Variants in PACRGL observed in about 807,000 individuals in gnomAD.
PACRGL encodes parkin coregulated like, also known as PACRG-like protein.
Under a neutral mutation model 34.5 loss-of-function variants are expected in PACRGL, and 38 were observed. That is an observed-to-expected ratio of 1.10 (90% CI 0.85 to 1.44). PACRGL has a LOEUF of 1.44. Among genes scored for constraint, PACRGL ranks in the 40% most tolerant of loss-of-function variants. The probability of loss-of-function intolerance (pLI) is 0.00; values close to 1 mark genes in which losing one functional copy is unlikely to be tolerated. For missense variants in PACRGL, 305 were observed against 281.4 expected (o/e 1.08, Z -0.60); for synonymous variants, 128 against 100.1 (o/e 1.28, Z -1.66).
At position 20,709,727 on chromosome 4, in the gene PACRGL, C is replaced by T. The variant is rs749345200; in HGVS notation, c.320C>T (p.Pro107Leu). 38 of 1,609,968 alleles carry T rather than the reference C, an allele frequency of 2.4e-5. No individual in the cohort carries two copies. The Middle Eastern group carries it at 4.9e-4, about 21-fold the overall frequency. Residue 107 changes from proline (P) to leucine (L), a missense_variant, in exon 5 of 9, where the codon CCT becomes CTT. Physicochemically the swap from Pro to Leu is moderately conservative, Grantham distance 98. Coordinates refer to ENST00000503585, the MANE Select transcript of PACRGL (RefSeq NM_001258345.3). ...SVKHRLQWEC[P>L]PESLSFDPLL... Reference sequence around the variant, plus strand: ...AAACACAGATTACAGTGGGAATGTCCTCCTGAAAGTCTTTCATTTGATCCA... The same window carrying T: ...AAACACAGATTACAGTGGGAATGTCTTCCTGAAAGTCTTTCATTTGATCCA...
chr4:20,707,861 T>G lies in PACRGL; in HGVS notation c.266T>G (p.Ile89Ser), dbSNP rs781418174. 1 of 1,611,580 alleles carries G rather than the reference T, an allele frequency of 6.2e-7. No individual in the cohort carries two copies. The highest frequency in any genetic ancestry group is 1.1e-5 in the South Asian group (1 of 91,000). Residue 89 changes from isoleucine (I) to serine (S), a missense_variant, in exon 4 of 9, where the codon ATT becomes AGT. Physicochemically the swap from Ile to Ser is moderately radical, Grantham distance 142. Transcript: ENST00000503585. Reference protein sequence around the residue: ...AFAAIYSKGGIPCRLVHGSVK... With the variant: ...AFAAIYSKGGSPCRLVHGSVK... Reference sequence around the variant, plus strand: ...GCAGCTATTTACTCTAAAGGAGGTATTCCTTGCAGGTAAAATCAATATGAT... The same window carrying G: ...GCAGCTATTTACTCTAAAGGAGGTAGTCCTTGCAGGTAAAATCAATATGAT...
intron 7 of PACRGL, among the ~76,000 whole-genome samples, chr4:20,722,420 G>T (rs746383332): frequency 6.6e-6 from 1 of 152,170 alleles, no homozygotes. Context: ...CGTCACTCAC[G>T]CTGGGAGCTG....
chr4:20,729,882 CAGTGGCATTATGA>C lies in PACRGL; in HGVS notation c.*2543_*2555del. 3 of 494,882 alleles carry C rather than the reference CAGTGGCATTATGA, an allele frequency of 6.1e-6. No individual in the cohort carries two copies. 30.7% of individuals were successfully genotyped at this position (494,882 alleles called of 1,614,324 possible). On this transcript the variant is annotated 3_prime_UTR_variant, in exon 9 of 9. Coordinates refer to ENST00000503585, the MANE Select transcript of PACRGL (RefSeq NM_001258345.3). ...AATGAGTTAGACCATCCCCTGAACTCAGTGGCATTATGAAAAGGATGCAAATTTATAACTGAAA... is the reference window on the plus strand; with the variant it reads ...AATGAGTTAGACCATCCCCTGAACTCAAAGGATGCAAATTTATAACTGAAA...
chr4:20,709,105 C>T (rs1381307838), intron 4 of PACRGL, among the ~76,000 whole-genome samples: 1 of 152,174 alleles, frequency 6.6e-6, no homozygotes, highest in African/African-American at 2.4e-5. Context: ...CGCCATTACA[C>T]TTGAGCCTGG....
At chr4:20,715,566 G>A (rs1739513308) in intron 7 of PACRGL, among the ~76,000 whole-genome samples, 1 of 151,834 alleles carries the variant, frequency 6.6e-6, no homozygotes, top group African/African-American at 2.4e-5. Context: ...AGAGTTCAGG[G>A]TTATAATAAA....
chr4:20,707,299 G>A (rs188486141), intron 3 of PACRGL, among the ~76,000 whole-genome samples: 139 of 152,228 alleles, frequency 9.1e-4, no homozygotes, highest in African/African-American at 3.0e-3. Flanking sequence ...ATATATCTAA[G>A]AAAATACATC....
At chr4:20,701,932 A>C in intron 1 of PACRGL, 1 of 455,452 alleles carries the variant, frequency 2.2e-6, no homozygotes, top group South Asian at 1.5e-5. Context: ...TTGGAAGGAA[A>C]TTCTCTAATA....
intron 7 of PACRGL, chr4:20,716,198 C>G: frequency 9.8e-7 from 1 of 1,017,926 alleles, no homozygotes; most frequent in Non-Finnish European, 1.5e-6. Flanking sequence ...CTGTTACTGG[C>G]TGTTATGGTT....
rs1415300337 is a variant in PACRGL at position 20,704,405 on chromosome 4, T to G, written c.-16-61T>G. On this transcript the variant is annotated intron_variant, in intron 1 of 8. Coordinates refer to ENST00000503585, the MANE Select transcript of PACRGL (RefSeq NM_001258345.3). ...ACTCTGTTCTGGTTTTGTCTTTTTATTGATAACAAATGCCCCTCCAAACAA... is the reference window on the plus strand; with the variant it reads ...ACTCTGTTCTGGTTTTGTCTTTTTAGTGATAACAAATGCCCCTCCAAACAA... The G allele has an allele frequency of 2.0e-6, 3 of 1,495,614 alleles. No individual in the cohort carries two copies. In the African/African-American group the frequency reaches 4.2e-5, roughly 21 times the overall value. The allele number at this position is 1,495,614 out of a possible 1,614,324, so 92.6% of individuals were successfully genotyped here. A position where few individuals can be genotyped will look rare whatever the true frequency, so the allele number is the denominator to read the frequency against.
Position 20,718,214 on chromosome 4 carries a change from C to T in PACRGL, c.609+4675C>T, listed in dbSNP as rs1005164770. 2.0e-5 allele frequency among the ~76,000 whole-genome samples: 3 copies of T among 152,164 alleles called. No individual in the cohort carries two copies. The East Asian group carries it at 5.8e-4, about 29-fold the overall frequency. On this transcript the variant is annotated intron_variant, in intron 7 of 8. Transcript: ENST00000503585. ...GAGACTTTGCTGAGTTGCTTATCAGCTTAAGGAGATTTTGGGCTGAGACGA... is the reference window on the plus strand; with the variant it reads ...GAGACTTTGCTGAGTTGCTTATCAGTTTAAGGAGATTTTGGGCTGAGACGA...
downstream of PACRGL, among the ~76,000 whole-genome samples, chr4:20,736,766 C>G (rs1323039016): frequency 6.6e-6 from 1 of 152,130 alleles, no homozygotes; most frequent in African/African-American, 2.4e-5. Flanking sequence ...AGAATGGCCA[C>G]AGACCTTTTT....
rs138497246 is a variant in PACRGL, at chr4:20,750,359, G to T, written c.*57-2206G>T. Among the ~76,000 whole-genome samples, 6 of 152,296 alleles carry T rather than the reference G, an allele frequency of 3.9e-5. No individual in the cohort carries two copies. The East Asian group carries it at 1.2e-3, about 29-fold the overall frequency. ...GTTGGCTGATGGATTGGGGTCATTG[G>T]TGACTTGGGAAGTTTCTGTGGCTGT... On this transcript the variant is annotated intron_variant, in intron 8 of 8. Coordinates refer to the PACRGL transcript ENST00000507634.
chr4:20,713,380 T>C, intron 6 of PACRGL, 52 bp from the exon 7 acceptor site: 4 of 1,398,202 alleles, frequency 2.9e-6, no homozygotes, highest in Non-Finnish European at 4.0e-6. Flanking sequence ...TTCTTTCCTT[T>C]TCTCCTCTCT....
chr4:20,701,825 G>A (rs1578088223), intron 1 of PACRGL: 1 of 456,532 alleles, frequency 2.2e-6, no homozygotes, highest in South Asian at 1.5e-5. Flanking sequence ...CCGTGGTTGG[G>A]TCAAATCTAT....
chr4:20,747,561 C>T (rs1578501141), intron 8 of PACRGL, among the ~76,000 whole-genome samples: 1 of 152,280 alleles, frequency 6.6e-6, no homozygotes, highest in Admixed American at 6.5e-5. Context: ...ATCTCCTCTC[C>T]CTCCACTAAC....
intron 8 of PACRGL, among the ~76,000 whole-genome samples, chr4:20,743,225 C>T (rs925175975): frequency 2.6e-5 from 4 of 152,120 alleles, no homozygotes; most frequent in African/African-American, 7.2e-5. Context: ...GTGCCATCCC[C>T]ATCAAGCTAC....
In PACRGL at chr4:20,730,877, T is replaced by C. The variant is rs1747952410; in HGVS notation, c.*3536T>C. Among the ~76,000 whole-genome samples the C allele has an allele frequency of 2.0e-5, 3 of 152,262 alleles. No homozygotes were observed. In the South Asian group the frequency reaches 6.2e-4, roughly 32 times the overall value. On this transcript the variant is annotated 3_prime_UTR_variant, in exon 9 of 9. Coordinates refer to ENST00000503585, the MANE Select transcript of PACRGL (RefSeq NM_001258345.3). ...TGGTAAATGGTGGCTGAACCAATAA[T>C]GGCTTCCACTGCTAGAAACCAAGTA...
chr4:20,749,795 T>A (rs1177866124), intron 8 of PACRGL: 3 of 1,098,714 alleles, frequency 2.7e-6, no homozygotes, highest in Non-Finnish European at 4.1e-6. Context: ...AAGACTTGGA[T>A]AGCAGTCCAA....
chr4:20,749,514 A>G (rs1753187602), intron 8 of PACRGL: 6 of 525,568 alleles, frequency 1.1e-5, no homozygotes, highest in African/African-American at 1.9e-5. Context: ...CTTTTGAAAG[A>G]TAATTTTTGG....
Sources: allele counts gnomAD v4.1 joint callset (sites outside exome capture counted in the v4.1 genomes callset), GRCh38; gene constraint gnomAD v4.1.1; transcripts MANE v1.5; gene names NCBI Gene and HGNC (gene_info 2026-07-23, HGNC 2026-07-21).